Variants in LRRC37A2 observed in about 807,000 individuals in gnomAD.
LRRC37A2 encodes leucine rich repeat containing 37 member A2, also known as leucine-rich repeat-containing protein 37A2.
Under a neutral mutation model 68.8 loss-of-function variants are expected in LRRC37A2, and 9 were observed. The ratio of observed to expected loss-of-function variants is 0.13; its 90% CI spans 0.08 to 0.23. LRRC37A2 has a LOEUF of 0.23. Among genes scored for constraint, LRRC37A2 ranks in the 10% least tolerant of loss-of-function variants. LRRC37A2 has a pLI of 1.00. For synonymous variants in LRRC37A2, 63 were observed against 367.6 expected, an observed-to-expected ratio of 0.17 and a Z score of 9.48; for missense variants, 168 against 950.4, an observed-to-expected ratio of 0.18 and a Z score of 10.82.
chr17:46,942,009 G>A, the LRRC37A2 span: 1 of 949,348 alleles, frequency 1.1e-6, no homozygotes, highest in Admixed American at 6.2e-5. Context: ...AATTCTTACT[G>A]TTTATATCCT....
the LRRC37A2 span, among the ~76,000 whole-genome samples, chr17:46,867,379 C>A: frequency 6.6e-6 from 1 of 152,232 alleles, no homozygotes; most frequent in Admixed American, 6.5e-5. Context: ...AGTCTGGCTC[C>A]AGCCATCCCC....
the LRRC37A2 span, chr17:46,713,824 TCCCCTGAC>T: frequency 6.3e-7 from 1 of 1,597,082 alleles, no homozygotes; most frequent in South Asian, 1.2e-5. Flanking sequence ...TTGGCTTTTT[TCCCCTGAC>T]TTGCTCATAT....
the LRRC37A2 span, among the ~76,000 whole-genome samples, chr17:46,913,380 C>A: frequency 6.6e-6 from 1 of 152,324 alleles, no homozygotes; most frequent in Non-Finnish European, 1.5e-5. Flanking sequence ...AACTGGGACC[C>A]CTGTGACGAG....
chr17:47,009,735 G>A, the LRRC37A2 span, among the ~76,000 whole-genome samples: 2 of 152,246 alleles, frequency 1.3e-5, no homozygotes, highest in Admixed American at 1.3e-4. Flanking sequence ...AGGGCGCCAT[G>A]TGCTGCTGCC....
At chr17:46,977,667 C>T in the LRRC37A2 span, among the ~76,000 whole-genome samples, 1 of 152,344 alleles carries the variant, frequency 6.6e-6, no homozygotes, top group East Asian at 1.9e-4. Context: ...ACAAAGCCGC[C>T]AACCCCCACC....
chr17:46,920,655 T>C, the LRRC37A2 span, among the ~76,000 whole-genome samples: 3 of 152,186 alleles, frequency 2.0e-5, no homozygotes, highest in Non-Finnish European at 4.4e-5. Flanking sequence ...ATGCCACCCC[T>C]TCATTAAGTC....
chr17:47,010,024 C>A, the LRRC37A2 span, among the ~76,000 whole-genome samples: 1 of 152,232 alleles, frequency 6.6e-6, no homozygotes, highest in African/African-American at 2.4e-5. Context: ...CTGACTGTAG[C>A]TGGCAGGTCT....
chr17:46,568,981 C>T, the LRRC37A2 span, among the ~76,000 whole-genome samples: 31 of 113,664 alleles, frequency 2.7e-4, no homozygotes, highest in Non-Finnish European at 5.1e-4. Flanking sequence ...CTCGCCCTGT[C>T]GCCCAGGCTG....
chr17:46,962,521 C>G, the LRRC37A2 span, among the ~76,000 whole-genome samples: 1 of 152,136 alleles, frequency 6.6e-6, no homozygotes, highest in Admixed American at 6.5e-5. Context: ...TTATTGAGGT[C>G]TGGAAACTGC....
At chr17:46,846,459 A>G in the LRRC37A2 span, among the ~76,000 whole-genome samples, 1 of 152,262 alleles carries the variant, frequency 6.6e-6, no homozygotes, top group Non-Finnish European at 1.5e-5. Context: ...AGGGATGCCT[A>G]ATCTCCCAAA....
the LRRC37A2 span, among the ~76,000 whole-genome samples, chr17:46,796,173 C>A: frequency 6.6e-6 from 1 of 152,178 alleles, no homozygotes; most frequent in African/African-American, 2.4e-5. Context: ...GAGGACTCAA[C>A]TTCCTAATGA....
At chr17:46,635,777 A>ATATGTGTGTG in the LRRC37A2 span, among the ~76,000 whole-genome samples, 1 of 116,796 alleles carries the variant, frequency 8.6e-6, no homozygotes, top group Non-Finnish European at 1.9e-5. Context: ...GGGAAAATAA[A>ATATGTGTGTG]TGTGTGTGTG....
chr17:46,739,921 A>G, the LRRC37A2 span, among the ~76,000 whole-genome samples: 1 of 152,194 alleles, frequency 6.6e-6, no homozygotes, highest in South Asian at 2.1e-4. Context: ...ACTGGTCTCA[A>G]ACTCCTGGCC....
the LRRC37A2 span, among the ~76,000 whole-genome samples, chr17:46,635,951 C>T: frequency 1.3e-5 from 1 of 76,746 alleles, no homozygotes; most frequent in Non-Finnish European, 2.7e-5. Flanking sequence ...CTACTCTTTC[C>T]TAATAGTACC....
At chr17:46,602,791 T>G in the LRRC37A2 span, among the ~76,000 whole-genome samples, 1 of 145,886 alleles carries the variant, frequency 6.9e-6, no homozygotes, top group East Asian at 2.0e-4. Flanking sequence ...TTGATATAAT[T>G]TTGTGAACCA....
At chr17:46,444,374 G>A in the LRRC37A2 span, among the ~76,000 whole-genome samples, 11,314 of 42,422 alleles carry the variant, frequency 0.27, 2,875 homozygotes, top group Middle Eastern at 0.38. Context: ...CTGAGGTCAG[G>A]TGATCCACCC....
the LRRC37A2 span, among the ~76,000 whole-genome samples, chr17:46,919,404 A>C: frequency 1.3e-5 from 2 of 152,200 alleles, no homozygotes; most frequent in African/African-American, 4.8e-5. Flanking sequence ...ATTTTCTTCT[A>C]TTTAGAGGAA....
the LRRC37A2 span, among the ~76,000 whole-genome samples, chr17:46,789,220 T>C: frequency 1.3e-5 from 2 of 152,162 alleles, no homozygotes; most frequent in East Asian, 1.9e-4. Flanking sequence ...CCTCCCTGCC[T>C]CACACCTGAT....
the LRRC37A2 span, among the ~76,000 whole-genome samples, chr17:46,950,330 A>G: frequency 6.6e-6 from 1 of 152,018 alleles, no homozygotes; most frequent in Non-Finnish European, 1.5e-5. Context: ...CTGGCTGAGG[A>G]GGTGGCAGAG....
Sources: allele counts gnomAD v4.1 joint callset (sites outside exome capture counted in the v4.1 genomes callset), GRCh38; gene constraint gnomAD v4.1.1; transcripts MANE v1.5; gene names NCBI Gene and HGNC (gene_info 2026-07-23, HGNC 2026-07-21).